TMEM132D: variants seen among roughly 807,000 people sequenced by gnomAD.
TMEM132D encodes the protein transmembrane protein 132D.
In TMEM132D, 21 loss-of-function variants were observed where a neutral mutation model predicts 62.3. The observed-to-expected ratio is 0.34, with a 90% CI of 0.24 to 0.49. TMEM132D has a LOEUF of 0.49. TMEM132D is among the 20% of genes least tolerant of loss of function. TMEM132D has a pLI of 0.99. For missense variants in TMEM132D, 1,346 were observed against 1,402.8 expected, an observed-to-expected ratio of 0.96 and a Z score of 0.65; for synonymous variants, 621 against 575.6, an observed-to-expected ratio of 1.08 and a Z score of -1.13.
At chr12:129,679,438 CA>C in intron 2 of TMEM132D, among the ~76,000 whole-genome samples, 1 of 151,938 alleles carries the variant, frequency 6.6e-6, no homozygotes, top group Non-Finnish European at 1.5e-5. Context: ...AACAAAAATC[CA>C]AAAACTTTTA....
intron 5 of TMEM132D, among the ~76,000 whole-genome samples, chr12:129,182,632 G>A (rs1878099671): frequency 6.6e-6 from 1 of 152,196 alleles, no homozygotes; most frequent in African/African-American, 2.4e-5. Context: ...ATCTGATGGA[G>A]GCTAATCTGC....
chr12:129,489,385 T>C (rs1874689589), intron 3 of TMEM132D, among the ~76,000 whole-genome samples: 1 of 152,212 alleles, frequency 6.6e-6, no homozygotes, highest in Non-Finnish European at 1.5e-5. Context: ...GTTTATTGAG[T>C]GTGAGGCAGT....
intron 3 of TMEM132D, among the ~76,000 whole-genome samples, chr12:129,365,411 C>T (rs1434255144): frequency 6.6e-6 from 1 of 152,144 alleles, no homozygotes; most frequent in Admixed American, 6.5e-5. Context: ...GAGAATTTGT[C>T]TTAAGAGACT....
chr12:129,364,593 A>G (rs1355901493), intron 3 of TMEM132D, among the ~76,000 whole-genome samples: 1 of 152,252 alleles, frequency 6.6e-6, no homozygotes, highest in Non-Finnish European at 1.5e-5. Context: ...GTTAACTGCT[A>G]TTCCCAGGAA....
At chr12:129,329,346 G>A (rs1869028173) in intron 4 of TMEM132D, among the ~76,000 whole-genome samples, 1 of 152,152 alleles carries the variant, frequency 6.6e-6, no homozygotes, top group African/African-American at 2.4e-5. Flanking sequence ...GTATAAAAAT[G>A]AAAGCCATAG....
intron 5 of TMEM132D, among the ~76,000 whole-genome samples, chr12:129,157,028 T>A (rs1367338299): frequency 6.6e-6 from 1 of 151,946 alleles, no homozygotes; most frequent in African/African-American, 2.4e-5. Flanking sequence ...CTTGAGATAA[T>A]GAGCCCACCC....
intron 2 of TMEM132D, among the ~76,000 whole-genome samples, chr12:129,552,572 T>C (rs183580702): frequency 6.6e-6 from 1 of 152,048 alleles, no homozygotes; most frequent in African/African-American, 2.4e-5. Flanking sequence ...CTATCATCTA[T>C]CTGTTCACAT....
chr12:129,470,717 T>C (rs547545128), intron 3 of TMEM132D, among the ~76,000 whole-genome samples: 13 of 152,338 alleles, frequency 8.5e-5, no homozygotes, highest in African/African-American at 3.1e-4. Context: ...TACAATTCTA[T>C]AAACTGCTTC....
At chr12:129,842,626 G>C (rs781290162) in intron 1 of TMEM132D, among the ~76,000 whole-genome samples, 1 of 151,816 alleles carries the variant, frequency 6.6e-6, no homozygotes, top group African/African-American at 2.4e-5. Context: ...ATGACACCAT[G>C]CCCAGCTTAT....
intron 5 of TMEM132D, among the ~76,000 whole-genome samples, chr12:129,159,906 G>T (rs1290130810): frequency 6.6e-6 from 1 of 152,134 alleles, no homozygotes; most frequent in Non-Finnish European, 1.5e-5. Flanking sequence ...GATACAAGTG[G>T]GCAGCCAGGG....
intron 4 of TMEM132D, among the ~76,000 whole-genome samples, chr12:129,288,847 G>A (rs184954910): frequency 1.3e-5 from 2 of 152,228 alleles, no homozygotes; most frequent in Non-Finnish European, 2.9e-5. Flanking sequence ...ATCAGTGAAT[G>A]AGTAGATGAA....
intron 1 of TMEM132D, among the ~76,000 whole-genome samples, chr12:129,711,225 G>A (rs1219315762): frequency 1.3e-5 from 2 of 152,262 alleles, no homozygotes; most frequent in East Asian, 1.9e-4. Flanking sequence ...TGCAACTTCC[G>A]TTGTTCCGGT....
intron 3 of TMEM132D, among the ~76,000 whole-genome samples, chr12:129,406,519 C>T (rs1871794148): frequency 6.6e-6 from 1 of 151,626 alleles, no homozygotes; most frequent in African/African-American, 2.4e-5. Context: ...ACTCGGGAGG[C>T]TAAGGCAGGA....
At chr12:129,128,351 A>T (rs946931406) in intron 5 of TMEM132D, among the ~76,000 whole-genome samples, 1 of 152,212 alleles carries the variant, frequency 6.6e-6, no homozygotes, top group Non-Finnish European at 1.5e-5. Flanking sequence ...ACAGTTCCAC[A>T]TGGCTGGGGA....
chr12:129,578,066 G>A (rs1877727246), intron 2 of TMEM132D, among the ~76,000 whole-genome samples: 1 of 152,174 alleles, frequency 6.6e-6, no homozygotes, highest in Non-Finnish European at 1.5e-5. Flanking sequence ...TTCTTGAGCT[G>A]GGACATCTGT....
At position 129,736,615 on chromosome 12, in the gene TMEM132D, G is replaced by GAAA. The variant is rs5801879; in HGVS notation, c.80-35920_80-35918dup. On this transcript the variant is annotated intron_variant, in intron 1 of 8. Coordinates refer to ENST00000422113, the MANE Select transcript of TMEM132D (RefSeq NM_133448.3). ...AAAAACAATGATGTTTTATAGTATT[G>GAAA]AAAAAAAAACTTTCTAATTTGCCAC... 6.7e-3 allele frequency among the ~76,000 whole-genome samples: 1,008 copies of GAAA among 151,230 alleles called. 17 individuals are homozygous for GAAA. The highest frequency in any genetic ancestry group is 0.021 in the African/African-American group (879 of 41,218).
At chr12:129,164,754 G>C (rs892700131) in intron 5 of TMEM132D, among the ~76,000 whole-genome samples, 5 of 152,038 alleles carry the variant, frequency 3.3e-5, no homozygotes, top group African/African-American at 1.2e-4. Context: ...GAACAACATG[G>C]GGGAAACTGC....
At chr12:129,422,225 A>T (rs1026834197) in intron 3 of TMEM132D, among the ~76,000 whole-genome samples, 2 of 152,314 alleles carry the variant, frequency 1.3e-5, no homozygotes, top group African/African-American at 4.8e-5. Context: ...AAGAATATCT[A>T]TACAATTTTT....
At chr12:129,342,889 C>G (rs1007272222) in intron 3 of TMEM132D, among the ~76,000 whole-genome samples, 1 of 152,160 alleles carries the variant, frequency 6.6e-6, no homozygotes, top group Non-Finnish European at 1.5e-5. Flanking sequence ...CCATCTCACA[C>G]CAGTTAGAAT....
Sources: allele counts gnomAD v4.1 joint callset (sites outside exome capture counted in the v4.1 genomes callset), GRCh38; gene constraint gnomAD v4.1.1; transcripts MANE v1.5; gene names NCBI Gene and HGNC (gene_info 2026-07-23, HGNC 2026-07-21).